Variants in KCNQ1 observed in about 807,000 individuals in gnomAD.
The protein encoded by KCNQ1 is potassium voltage-gated channel subfamily KQT member 1.
In KCNQ1, 49 loss-of-function variants were observed where a neutral mutation model predicts 72.4. That is an observed-to-expected ratio of 0.68 (90% CI 0.54 to 0.86). KCNQ1 has a LOEUF of 0.86. Among genes scored for constraint, KCNQ1 ranks in the 40% least tolerant of loss-of-function variants. KCNQ1 has a pLI of 0.00. For missense variants in KCNQ1, 790 were observed against 945.1 expected (o/e 0.84, Z 2.15); for synonymous variants, 450 against 412.6 (o/e 1.09, Z -1.10).
At chr11:2,756,576 T>C (rs956865155) in intron 11 of KCNQ1, among the ~76,000 whole-genome samples, 5 of 151,786 alleles carry the variant, frequency 3.3e-5, no homozygotes, top group African/African-American at 1.2e-4. Context: ...AAGGATACAG[T>C]TGGGGTGGAG....
At chr11:2,496,393 C>T (rs547540348) in intron 1 of KCNQ1, among the ~76,000 whole-genome samples, 10 of 151,140 alleles carry the variant, frequency 6.6e-5, no homozygotes, top group South Asian at 2.1e-4. Context: ...GCCAAGATAG[C>T]GCCACTGCAG....
intron 1 of KCNQ1, among the ~76,000 whole-genome samples, chr11:2,472,930 A>C: frequency 6.6e-6 from 1 of 151,550 alleles, no homozygotes; most frequent in South Asian, 2.1e-4. Flanking sequence ...GCCCCCCATC[A>C]CCCCAGCACC....
In KCNQ1 at chr11:2,653,481, A is replaced by G. The variant is rs1282087044; in HGVS notation, c.1394-8480A>G. The stretch of plus-strand genomic sequence containing the variant: ...ACACAGCTGGACCCAGCTGTTTCAG[A>G]CACAGCTGGACCCCAGAGCTGAGAT... On this transcript the variant is annotated intron_variant, in intron 10 of 15. Coordinates refer to ENST00000155840, the MANE Select transcript of KCNQ1 (RefSeq NM_000218.3). The surrounding 1 kb of genome is among the most constrained non-coding windows in gnomAD (Gnocchi z 5.3). 2.5e-6 allele frequency: 1 copy of G among 397,798 alleles called. No individual in the cohort carries two copies. Among genetic ancestry groups the G allele is most frequent in the African/African-American group, 2.1e-5 (1 of 48,070 alleles). The allele number at this position is 397,798 out of a possible 1,614,324, so 24.6% of individuals were successfully genotyped here.
In KCNQ1 at chr11:2,603,236, A is replaced by G. The variant is rs981373489; in HGVS notation, c.1393+14382A>G. On this transcript the variant is annotated intron_variant, in intron 10 of 15. Coordinates refer to ENST00000155840, the MANE Select transcript of KCNQ1 (RefSeq NM_000218.3). The surrounding 1 kb of genome is among the most constrained non-coding windows in gnomAD (Gnocchi z 4.1). The stretch of plus-strand genomic sequence containing the variant: ...TTATATTGTAGTCTATTAAGTGTGC[A>G]ATAGCCCCATGTCTAAGAAAACAAT... Among the ~76,000 whole-genome samples, 2 of 152,226 alleles carry G rather than the reference A, an allele frequency of 1.3e-5. No individual in the cohort carries two copies. The highest frequency in any genetic ancestry group is 4.8e-5 in the African/African-American group (2 of 41,450).
At chr11:2,716,885 TG>T (rs1196595763) in intron 11 of KCNQ1, among the ~76,000 whole-genome samples, 1 of 152,230 alleles carries the variant, frequency 6.6e-6, no homozygotes, top group African/African-American at 2.4e-5. Context: ...ACTGGGTGAC[TG>T]GCAGACATCA....
Position 2,830,184 on chromosome 11 carries a change from G to A in KCNQ1, c.1795-17583G>A, listed in dbSNP as rs576104996. On this transcript the variant is annotated intron_variant, in intron 15 of 15. Transcript: ENST00000155840. This position sits in a 1 kb window ranked among gnomAD's most constrained non-coding sequence, Gnocchi z 7.7. ...GAAAGACCAGCAGGCCCTTTACACC[G>A]TGGGCACAGGCTCAGGACTGGCTGG... is the stretch of plus-strand genomic sequence containing the variant. 1.1e-4 allele frequency among the ~76,000 whole-genome samples: 16 copies of A among 152,154 alleles called. No homozygotes were observed. The highest frequency in any genetic ancestry group is 2.6e-4 in the Admixed American group (4 of 15,278).
rs536631346 is a variant in KCNQ1 at position 2,750,897 on chromosome 11, T to A, written c.1515-17947T>A. ...AACGTCCTCATAATCTCCCCAGGAT[T>A]TAAACGGGGTCCTCCCCAGCTGCCT... On this transcript the variant is annotated intron_variant, in intron 11 of 15. Transcript: ENST00000155840. This position sits in a 1 kb window ranked among gnomAD's most constrained non-coding sequence, Gnocchi z 6.3. Among the ~76,000 whole-genome samples, 306 of 152,274 alleles carry A rather than the reference T, an allele frequency of 2.0e-3. No individual in the cohort carries two copies. Among genetic ancestry groups the A allele is most frequent in the African/African-American group, 7.0e-3 (289 of 41,558 alleles).
intron 15 of KCNQ1, among the ~76,000 whole-genome samples, chr11:2,806,565 G>A (rs1037568395): frequency 6.6e-6 from 1 of 152,310 alleles, no homozygotes; most frequent in Non-Finnish European, 1.5e-5. Flanking sequence ...ACCTGTCTGT[G>A]CTCCCCACCG....
intron 11 of KCNQ1, among the ~76,000 whole-genome samples, chr11:2,754,770 T>C (rs1159566062): frequency 6.6e-6 from 1 of 152,236 alleles, no homozygotes; most frequent in Non-Finnish European, 1.5e-5. Flanking sequence ...CGTTTATTAG[T>C]ATCTTTTATA....
chr11:2,489,193 C>T (rs1846792201), intron 1 of KCNQ1, among the ~76,000 whole-genome samples: 2 of 152,220 alleles, frequency 1.3e-5, no homozygotes, highest in Admixed American at 6.5e-5. Context: ...CACTGTGCCT[C>T]CCATCCCCCA....
chr11:2,763,758 C>G (rs547273984), intron 11 of KCNQ1, among the ~76,000 whole-genome samples: 1 of 152,082 alleles, frequency 6.6e-6, no homozygotes, highest in South Asian at 2.1e-4. Flanking sequence ...GATGGGGTCT[C>G]ACTATGTTGC....
At position 2,587,438 on chromosome 11, in the gene KCNQ1, T is replaced by G. The variant is rs140783038; in HGVS notation, c.1129-132T>G. 1,164 of 1,309,434 alleles carry G rather than the reference T, an allele frequency of 8.9e-4. 18 individuals carry two copies. The East Asian group carries it at 0.025, about 28-fold the overall frequency. 81.1% of individuals were successfully genotyped at this position (1,309,434 alleles called of 1,614,324 possible). A position where few individuals can be genotyped will look rare whatever the true frequency, so the allele number is the denominator to read the frequency against. On this transcript the variant is annotated intron_variant, in intron 8 of 15. Coordinates refer to ENST00000155840, the MANE Select transcript of KCNQ1 (RefSeq NM_000218.3). ...TGGGACCATGTCAAGCCTGTGACTC[T>G]GAGGTCCCAGACCCTGCCACCCAGA...
rs1447232514 is a variant in KCNQ1 at position 2,537,075 on chromosome 11, G to T, written c.477+9057G>T. Among the ~76,000 whole-genome samples the T allele has an allele frequency of 6.6e-6, 1 of 151,960 alleles. No individual in the cohort carries two copies. The highest frequency in any genetic ancestry group is 1.5e-5 in the Non-Finnish European group (1 of 68,020). On this transcript the variant is annotated intron_variant, in intron 2 of 15. Coordinates refer to ENST00000155840, the MANE Select transcript of KCNQ1 (RefSeq NM_000218.3). This position sits in a 1 kb window ranked among gnomAD's most constrained non-coding sequence, Gnocchi z 5.2. ...CCTCCTAACTGATCATATCTGCAGG[G>T]ACCCCATTTCCAAACAAGGTCTTAC...
At chr11:2,792,479 C>T (rs1161302290) in intron 15 of KCNQ1, among the ~76,000 whole-genome samples, 1 of 152,244 alleles carries the variant, frequency 6.6e-6, no homozygotes, top group Non-Finnish European at 1.5e-5. Flanking sequence ...GTGACCCCTC[C>T]CTCTGCCCAA....
rs7129523 is a variant in KCNQ1, at chr11:2,625,287, G to T, written c.1393+36433G>T. ...TTTTTTTGAGACAAGATCTGGCTCTGTCACTTAGGCTGGAATGCAGTGGCA... is the reference window on the plus strand; with the variant it reads ...TTTTTTTGAGACAAGATCTGGCTCTTTCACTTAGGCTGGAATGCAGTGGCA... On this transcript the variant is annotated intron_variant, in intron 10 of 15. Coordinates refer to ENST00000155840, the MANE Select transcript of KCNQ1 (RefSeq NM_000218.3). 0.88 allele frequency: 351,851 copies of T among 398,524 alleles called. 156,155 individuals carry two copies. Among genetic ancestry groups the T allele is most frequent in the East Asian group, 0.99 (27,864 of 28,064 alleles). The allele number at this position is 398,524 out of a possible 1,614,324, so 24.7% of individuals were successfully genotyped here. A position where few individuals can be genotyped will look rare whatever the true frequency, so the allele number is the denominator to read the frequency against.
At chr11:2,587,437 C>A in intron 8 of KCNQ1, 133 bp from the exon 9 acceptor site, 1 of 1,304,684 alleles carries the variant, frequency 7.7e-7, no homozygotes, top group Non-Finnish European at 1.1e-6. Flanking sequence ...GCCTGTGACT[C>A]TGAGGTCCCA....
Position 2,653,538 on chromosome 11 carries a change from T to C in KCNQ1, c.1394-8423T>C, listed in dbSNP as rs1010384121. On this transcript the variant is annotated intron_variant, in intron 10 of 15. Coordinates refer to ENST00000155840, the MANE Select transcript of KCNQ1 (RefSeq NM_000218.3). The surrounding 1 kb of genome is among the most constrained non-coding windows in gnomAD (Gnocchi z 5.3). Reference sequence around the variant, plus strand: ...GCTCACTTGCTCTCACTCTCCCCTCTTGCACTCCCCTTCTCCCTTCCCGTT... The same window carrying C: ...GCTCACTTGCTCTCACTCTCCCCTCCTGCACTCCCCTTCTCCCTTCCCGTT... 12 of 398,686 alleles carry C rather than the reference T, an allele frequency of 3.0e-5. No individual in the cohort carries two copies. The highest frequency in any genetic ancestry group is 1.4e-4 in the African/African-American group (7 of 48,600). The allele number at this position is 398,686 out of a possible 1,614,324, so 24.7% of individuals were successfully genotyped here.
chr11:2,701,703 C>T (rs1475146275), intron 11 of KCNQ1, among the ~76,000 whole-genome samples: 1 of 152,242 alleles, frequency 6.6e-6, no homozygotes, highest in Non-Finnish European at 1.5e-5. Flanking sequence ...AGATTATCAG[C>T]TGCCTGTCTG....
At chr11:2,572,824 C>T in intron 5 of KCNQ1, 22 bp from the exon 6 acceptor site, 3 of 1,613,550 alleles carry the variant, frequency 1.9e-6, no homozygotes, top group Non-Finnish European at 2.5e-6. Flanking sequence ...TGGAGCCCGA[C>T]ACTGTGTGTT....
Sources: gnomAD v4.1 joint callset for allele counts (sites outside exome capture counted in the v4.1 genomes callset) on GRCh38, gnomAD v4.1.1 for gene constraint, Gnocchi (gnomAD v3.1) non-coding constraint, MANE v1.5 for transcripts, NCBI Gene and HGNC (gene_info 2026-07-23, HGNC 2026-07-21) for gene names.